TMEM232: variants seen among roughly 807,000 people sequenced by gnomAD.
TMEM232 encodes the protein transmembrane protein 232.
In TMEM232, 80 loss-of-function variants were observed where a neutral mutation model predicts 78.8. That is an observed-to-expected ratio of 1.01 (90% CI 0.85 to 1.22). The LOEUF is 1.22. TMEM232 is among the 50% of genes most tolerant of loss of function. The pLI is 0.00. For missense variants in TMEM232, 881 were observed against 742.2 expected (o/e 1.19, Z -2.17); for synonymous variants, 297 against 254.3 (o/e 1.17, Z -1.60).
intron 3 of TMEM232, among the ~76,000 whole-genome samples, chr5:110,396,903 A>T (rs1755409709): frequency 6.6e-6 from 1 of 152,146 alleles, no homozygotes; most frequent in Non-Finnish European, 1.5e-5. Context: ...AGAGAGGAAG[A>T]TGAGAAGCAA....
chr5:110,712,277 A>C (rs1422489042), intron 1 of TMEM232, among the ~76,000 whole-genome samples: 1 of 152,046 alleles, frequency 6.6e-6, no homozygotes, highest in African/African-American at 2.4e-5. Flanking sequence ...AAGCTTCTGC[A>C]CAGCAAAGAA....
chr5:110,666,356 TCTA>T (rs1790592182), intron 2 of TMEM232, among the ~76,000 whole-genome samples: 1 of 152,182 alleles, frequency 6.6e-6, no homozygotes, highest in South Asian at 2.1e-4. Context: ...TCTATTGTAT[TCTA>T]CTATTCAGAT....
intron 2 of TMEM232, among the ~76,000 whole-genome samples, chr5:110,650,258 A>G (rs1014435162): frequency 9.2e-5 from 14 of 152,160 alleles, no homozygotes; most frequent in African/African-American, 2.9e-4. Context: ...CCTCTCTCCA[A>G]TAGTATACAA....
At chr5:110,457,352 A>C (rs937265964) in intron 12 of TMEM232, among the ~76,000 whole-genome samples, 7 of 152,108 alleles carry the variant, frequency 4.6e-5, no homozygotes, top group South Asian at 2.1e-4. Context: ...CAGTTAACAA[A>C]CAACCAAAAT....
At chr5:110,445,524 G>C (rs990045499) in intron 12 of TMEM232, among the ~76,000 whole-genome samples, 1 of 152,114 alleles carries the variant, frequency 6.6e-6, no homozygotes, top group African/African-American at 2.4e-5. Flanking sequence ...GCCTTCGTCA[G>C]GAGTGGCTGG....
upstream of TMEM232, among the ~76,000 whole-genome samples, chr5:110,727,470 G>A (rs938712142): frequency 2.6e-5 from 4 of 152,240 alleles, no homozygotes; most frequent in East Asian, 5.8e-4. Flanking sequence ...TTAGCCAGGC[G>A]TGGTGGCACC....
At chr5:110,721,484 C>T (rs1431645498) in intron 1 of TMEM232, among the ~76,000 whole-genome samples, 1 of 151,012 alleles carries the variant, frequency 6.6e-6, no homozygotes, top group African/African-American at 2.4e-5. Context: ...TAAATATATT[C>T]CTCAATTCCG....
At chr5:110,466,656 AG>A (rs1393782615) in intron 12 of TMEM232, among the ~76,000 whole-genome samples, 4 of 149,258 alleles carry the variant, frequency 2.7e-5, no homozygotes, top group African/African-American at 2.5e-5. Context: ...TCTGTTGCCC[AG>A]GCTGGAGTGC....
intron 1 of TMEM232, among the ~76,000 whole-genome samples, chr5:110,668,400 C>T (rs1790891156): frequency 6.6e-6 from 1 of 152,120 alleles, no homozygotes; most frequent in African/African-American, 2.4e-5. Flanking sequence ...CAATCTCACT[C>T]TCCTTGCGTG....
chr5:110,668,408 G>A (rs532696896), intron 1 of TMEM232, among the ~76,000 whole-genome samples: 1 of 152,218 alleles, frequency 6.6e-6, no homozygotes, highest in East Asian at 1.9e-4. Flanking sequence ...CTCTCCTTGC[G>A]TGCTCCATTC....
At chr5:110,608,716 C>CA (rs1316960260) in intron 8 of TMEM232, among the ~76,000 whole-genome samples, 3 of 151,910 alleles carry the variant, frequency 2.0e-5, no homozygotes, top group Admixed American at 2.0e-4. Flanking sequence ...ATGCTTTCGT[C>CA]AAAAACAGAA....
At chr5:110,627,703 G>T (rs573013030) in intron 6 of TMEM232, 78 bp downstream of exon 6, 15 of 1,016,762 alleles carry the variant, frequency 1.5e-5, no homozygotes, top group South Asian at 1.3e-4. Flanking sequence ...TGCAGCTTAC[G>T]TTCTTTATAG....
intron 12 of TMEM232, among the ~76,000 whole-genome samples, chr5:110,433,246 A>G (rs1032895869): frequency 6.6e-6 from 1 of 151,822 alleles, no homozygotes; most frequent in Non-Finnish European, 1.5e-5. Context: ...AGCAAGTCTC[A>G]ATAGATTTTA....
At chr5:110,627,953 A>G in intron 5 of TMEM232, 73 bp from the exon 6 acceptor site, 1 of 1,009,912 alleles carries the variant, frequency 9.9e-7, no homozygotes, top group Non-Finnish European at 1.4e-6. Context: ...AGAAAAATCA[A>G]CCATTATATT....
chr5:110,696,722 C>G (rs1241464621), intron 1 of TMEM232, among the ~76,000 whole-genome samples: 3 of 152,006 alleles, frequency 2.0e-5, no homozygotes, highest in Non-Finnish European at 4.4e-5. Flanking sequence ...GAATAAAATA[C>G]CTAGGAATCC....
chr5:110,421,286 T>A (rs1316930912), intron 13 of TMEM232, among the ~76,000 whole-genome samples: 1 of 151,978 alleles, frequency 6.6e-6, no homozygotes, highest in Non-Finnish European at 1.5e-5. Context: ...TTTTTCTTTT[T>A]CTTTTGCTTT....
chr5:110,435,517 A>G (rs75483776), intron 12 of TMEM232, among the ~76,000 whole-genome samples: 10,812 of 151,664 alleles, frequency 0.071, 813 homozygotes, highest in African/African-American at 0.19. Context: ...TTGAGTATAT[A>G]TCTCCTATTG....
intron 12 of TMEM232, among the ~76,000 whole-genome samples, chr5:110,469,317 A>T (rs1408348228): frequency 6.6e-6 from 1 of 152,192 alleles, no homozygotes; most frequent in East Asian, 1.9e-4. Flanking sequence ...CCACTAAATC[A>T]TGCTTGTCTG....
At position 110,642,308 on chromosome 5, in the gene TMEM232, C is replaced by T. The variant is rs1381806785; in HGVS notation, c.189G>A (p.Glu63=). Residue 63 remains glutamate, a synonymous_variant, in exon 3 of 14, where the codon GAG becomes GAA. Coordinates refer to ENST00000455884, the MANE Select transcript of TMEM232 (RefSeq NM_001039763.4). The stretch of plus-strand genomic sequence containing the variant: ...TAGCTAGTTCCAACAATTCTTCCTT[C>T]TCTTTGGAATTTTGTGTTTGATTGA... ...LRFNQTQNSK[E]KEELLELARK... The T allele has an allele frequency of 6.5e-7, 1 of 1,539,920 alleles. No individual in the cohort carries two copies. The highest frequency in any genetic ancestry group is 2.0e-5 in the Admixed American group (1 of 48,924).
Sources: allele counts gnomAD v4.1 joint callset (sites outside exome capture counted in the v4.1 genomes callset), GRCh38; gene constraint gnomAD v4.1.1; transcripts MANE v1.5; gene names NCBI Gene and HGNC (gene_info 2026-07-23, HGNC 2026-07-21).